DERL2: variants seen among roughly 807,000 people sequenced by gnomAD.
DERL2 encodes derlin-2.
Under a neutral mutation model 32.0 loss-of-function variants are expected in DERL2, and 13 were observed. The ratio of observed to expected loss-of-function variants is 0.41; its 90% CI spans 0.26 to 0.65. The LOEUF (loss-of-function observed/expected upper bound fraction) is 0.65. Ranked by LOEUF, DERL2 falls within the 30% of genes least tolerant of loss-of-function variation. DERL2 has a pLI of 0.35. For missense variants in DERL2, 208 were observed against 296.3 expected, an observed-to-expected ratio of 0.70 and a Z score of 2.19; for synonymous variants, 111 against 104.7, an observed-to-expected ratio of 1.06 and a Z score of -0.37.
intron 1 of DERL2, among the ~76,000 whole-genome samples, 196 bp from the exon 2 acceptor site, chr17:5,485,412 A>C (rs1026842610): frequency 6.6e-6 from 1 of 152,198 alleles, no homozygotes; most frequent in African/African-American, 2.4e-5. Context: ...TATCCTCAAT[A>C]CCTAACACAA....
chr17:5,486,254 C>G, upstream of DERL2: 2 of 1,086,984 alleles, frequency 1.8e-6, no homozygotes, highest in Non-Finnish European at 2.6e-6. Flanking sequence ...AGGCCCCCCG[C>G]CCACTTTAGT....
At chr17:5,484,950 G>A (rs1342314535) in intron 2 of DERL2, among the ~76,000 whole-genome samples, 1 of 152,220 alleles carries the variant, frequency 6.6e-6, no homozygotes. Context: ...TGAGGAGCTT[G>A]AGAATCTCTT....
Position 5,472,870 on chromosome 17 carries a change from A to C in DERL2, c.*1814T>G, listed in dbSNP as rs1905184535. 6.6e-6 allele frequency: 1 copy of C among 152,224 alleles called. No homozygotes were observed. 9.4% of individuals were successfully genotyped at this position (152,224 alleles called of 1,614,324 possible). On this transcript the variant is annotated 3_prime_UTR_variant, in exon 7 of 7. Transcript: ENST00000158771. ...TAGGATAAAACTTAAGAATCCCATA[A>C]GGATTATACATGCTAAGATTGGCTT...
upstream of DERL2, chr17:5,486,179 G>GCCCCCCCCCCCCCCCCCCCCCCTCC: frequency 6.5e-7 from 1 of 1,540,442 alleles, no homozygotes; most frequent in Non-Finnish European, 8.8e-7. Flanking sequence ...ACCGTCGCCT[G>GCCCCCCCCCCCCCCCCCCCCCCTCC]CCCCACCCCC....
intron 1 of DERL2, among the ~76,000 whole-genome samples, 192 bp from the exon 2 acceptor site, chr17:5,485,408 C>CA (rs1906131280): frequency 6.6e-6 from 1 of 152,162 alleles, no homozygotes; most frequent in Non-Finnish European, 1.5e-5. Context: ...TTTGTATCCT[C>CA]AATACCTAAC....
intron 1 of DERL2, 107 bp downstream of exon 1, chr17:5,485,962 C>T: frequency 1.0e-6 from 1 of 998,574 alleles, no homozygotes; most frequent in Non-Finnish European, 1.5e-6. Context: ...CTCCACCCAT[C>T]CCCGGGACCA....
intron 1 of DERL2, among the ~76,000 whole-genome samples, chr17:5,485,613 G>A (rs573396863): frequency 4.3e-4 from 66 of 152,290 alleles, no homozygotes; most frequent in African/African-American, 1.5e-3. Flanking sequence ...CCCTGCCACC[G>A]TTAGGGCTGG....
Position 5,486,118 on chromosome 17 carries a change from G to A in DERL2, c.44C>T (p.Pro15Leu), listed in dbSNP as rs1292085459. The change falls in exon 1 of 7, where the codon CCG becomes CTG. Residue 15 changes from proline (P) to leucine (L), a missense_variant. Coordinates refer to ENST00000158771, the MANE Select transcript of DERL2 (RefSeq NM_016041.5). ...GGCAGTGGTGTAGGCGCGGCTGACCGGTGGGATCTGCAGGTACTCCAGCCG... is the reference window on the plus strand; with the variant it reads ...GGCAGTGGTGTAGGCGCGGCTGACCAGTGGGATCTGCAGGTACTCCAGCCG... ...SLRLEYLQIP[P>L]VSRAYTTACV... is the part of the protein sequence containing the mutation. 1.9e-6 allele frequency: 3 copies of A among 1,611,428 alleles called. No individual in the cohort carries two copies. Among genetic ancestry groups the A allele is most frequent in the East Asian group, 4.5e-5 (2 of 44,708 alleles).
chr17:5,486,306 G>A (rs574201427), upstream of DERL2: 23 of 602,006 alleles, frequency 3.8e-5, no homozygotes, highest in African/African-American at 2.3e-4. Context: ...ACCGCAATCC[G>A]TAGAGACCTA....
chr17:5,476,658 A>G (rs541674369), intron 6 of DERL2, among the ~76,000 whole-genome samples: 11 of 152,240 alleles, frequency 7.2e-5, no homozygotes, highest in East Asian at 1.9e-4. Context: ...GCGCATGCCT[A>G]TGATCCCAGC....
intron 6 of DERL2, among the ~76,000 whole-genome samples, chr17:5,475,906 G>A (rs1188644591): frequency 1.3e-5 from 2 of 152,180 alleles, no homozygotes; most frequent in African/African-American, 4.8e-5. Context: ...AAATAGAATG[G>A]TGATGGCTGG....
At chr17:5,476,079 A>G (rs1197757198) in intron 6 of DERL2, among the ~76,000 whole-genome samples, 1 of 152,214 alleles carries the variant, frequency 6.6e-6, no homozygotes, top group Non-Finnish European at 1.5e-5. Flanking sequence ...ATTTTACCAC[A>G]AAATTTTTAA....
At position 5,474,555 on chromosome 17, in the gene DERL2, T is replaced by C. The variant is rs1905268798; in HGVS notation, c.*129A>G. The C allele has an allele frequency of 1.5e-6, 1 of 675,456 alleles. No individual in the cohort carries two copies. The highest frequency in any genetic ancestry group is 2.5e-6 in the Non-Finnish European group (1 of 394,040). The allele number at this position is 675,456 out of a possible 1,614,324, so 41.8% of individuals were successfully genotyped here. On this transcript the variant is annotated 3_prime_UTR_variant, in exon 7 of 7. Coordinates refer to ENST00000158771, the MANE Select transcript of DERL2 (RefSeq NM_016041.5). The surrounding 1 kb of genome is among the most constrained non-coding windows in gnomAD (Gnocchi z 4.3). ...CTGGATTAGTCAGTGTACCATTTCA[T>C]AAAGTGCTTCTGGAGTTAAAATCTG...
chr17:5,485,347 T>C (rs1379681115), intron 1 of DERL2, 131 bp from the exon 2 acceptor site: 3 of 584,722 alleles, frequency 5.1e-6, no homozygotes, highest in Non-Finnish European at 3.0e-6. Flanking sequence ...GCCTTTCTTC[T>C]TAGGCCAGAG....
At chr17:5,480,856 G>A (rs868402122) in intron 4 of DERL2, 2 of 454,940 alleles carry the variant, frequency 4.4e-6, no homozygotes, top group Non-Finnish European at 7.6e-6. Flanking sequence ...TAATTCTTCA[G>A]TCAATAATTA....
intron 6 of DERL2, among the ~76,000 whole-genome samples, chr17:5,476,804 A>C (rs1319538141): frequency 1.3e-5 from 2 of 151,998 alleles, no homozygotes; most frequent in Middle Eastern, 3.2e-3. Context: ...GACAACAAAA[A>C]CAAAACTGAG....
At chr17:5,475,192 C>T (rs1905304744) in intron 6 of DERL2, among the ~76,000 whole-genome samples, 1 of 152,062 alleles carries the variant, frequency 6.6e-6, no homozygotes, top group South Asian at 2.1e-4. Context: ...TTCCCCATAA[C>T]CAAGGTATCA....
rs765904144 is a variant in DERL2, at chr17:5,471,805, T to C, written c.*2879A>G. ...ACTAACAACATAGCTGGAACTCACC[T>C]GTCAAAGAAAAACAGCTACAACATA... On this transcript the variant is annotated 3_prime_UTR_variant, in exon 7 of 7. Transcript: ENST00000158771. 10 of 152,202 alleles carry C rather than the reference T, an allele frequency of 6.6e-5. No individual in the cohort carries two copies. In the East Asian group the frequency reaches 1.9e-3, roughly 29 times the overall value. 9.4% of individuals were successfully genotyped at this position (152,202 alleles called of 1,614,324 possible). A position where few individuals can be genotyped will look rare whatever the true frequency, so the allele number is the denominator to read the frequency against.
intron 6 of DERL2, among the ~76,000 whole-genome samples, chr17:5,475,370 C>T (rs1445046483): frequency 6.6e-6 from 1 of 151,818 alleles, no homozygotes; most frequent in Non-Finnish European, 1.5e-5. Context: ...AGCAATTCTC[C>T]TGCCTCAGCC....
Sources: gnomAD v4.1 joint callset for allele counts (sites outside exome capture counted in the v4.1 genomes callset) on GRCh38, gnomAD v4.1.1 for gene constraint, Gnocchi (gnomAD v3.1) non-coding constraint, MANE v1.5 for transcripts, NCBI Gene and HGNC (gene_info 2026-07-23, HGNC 2026-07-21) for gene names.